Variants in NDUFAF2 observed in about 807,000 individuals in gnomAD.
The protein encoded by NDUFAF2 is NADH:ubiquinone oxidoreductase complex assembly factor 2, also known as NADH dehydrogenase [ubiquinone] 1 alpha subcomplex assembly factor 2.
Under a neutral mutation model 22.8 loss-of-function variants are expected in NDUFAF2, and 13 were observed. That is an observed-to-expected ratio of 0.57 (90% CI 0.37 to 0.91). The LOEUF (loss-of-function observed/expected upper bound fraction) is 0.91, where lower values mean the gene tolerates loss of function less well. Among genes scored for constraint, NDUFAF2 ranks in the 40% least tolerant of loss-of-function variants. The probability of loss-of-function intolerance (pLI) is 0.01; values close to 1 mark genes in which losing one functional copy is unlikely to be tolerated. For missense variants in NDUFAF2, 162 were observed against 195.2 expected (o/e 0.83, Z 1.01); for synonymous variants, 53 against 64.2 (o/e 0.83, Z 0.84).
At chr5:60,975,471 CAGA>C (rs1415057385) in intron 1 of NDUFAF2, among the ~76,000 whole-genome samples, 4 of 151,808 alleles carry the variant, frequency 2.6e-5, no homozygotes, top group African/African-American at 9.7e-5. Context: ...CAGAGAGATT[CAGA>C]AGGTCAGTTG....
chr5:61,139,506 A>C (rs1184452873), intron 3 of NDUFAF2, among the ~76,000 whole-genome samples: 1 of 152,258 alleles, frequency 6.6e-6, no homozygotes, highest in Non-Finnish European at 1.5e-5. Context: ...AGTTTGGCCA[A>C]GAAGGAGCTA....
At chr5:61,042,913 G>T (rs1195620518) in intron 1 of NDUFAF2, among the ~76,000 whole-genome samples, 1 of 152,136 alleles carries the variant, frequency 6.6e-6, no homozygotes, top group Non-Finnish European at 1.5e-5. Context: ...GCATAATTGT[G>T]GAGACAGTGA....
At chr5:60,970,890 T>A (rs1750818092) in intron 1 of NDUFAF2, among the ~76,000 whole-genome samples, 1 of 152,100 alleles carries the variant, frequency 6.6e-6, no homozygotes, top group African/African-American at 2.4e-5. Flanking sequence ...TATATCCTTA[T>A]ATATATATTT....
At chr5:60,998,979 G>T (rs966923034) in intron 1 of NDUFAF2, among the ~76,000 whole-genome samples, 1 of 151,956 alleles carries the variant, frequency 6.6e-6, no homozygotes, top group African/African-American at 2.4e-5. Context: ...CTATGGTAGA[G>T]AAAATGGAAT....
chr5:61,111,984 C>CT (rs1477315373), intron 3 of NDUFAF2, among the ~76,000 whole-genome samples: 4 of 152,014 alleles, frequency 2.6e-5, no homozygotes, highest in African/African-American at 9.7e-5. Flanking sequence ...GTCTTGAACT[C>CT]TTGAGTTCAA....
At chr5:61,134,132 TG>T (rs1753145681) in intron 3 of NDUFAF2, among the ~76,000 whole-genome samples, 1 of 152,188 alleles carries the variant, frequency 6.6e-6, no homozygotes, top group Non-Finnish European at 1.5e-5. Context: ...TTCTATAGAA[TG>T]TTCGTGATAT....
chr5:60,977,123 G>T (rs1174674795), intron 1 of NDUFAF2, among the ~76,000 whole-genome samples: 1 of 151,878 alleles, frequency 6.6e-6, no homozygotes, highest in African/African-American at 2.4e-5. Flanking sequence ...TAAAATATAG[G>T]TGTTATAAAA....
chr5:61,009,087 G>A (rs1751409903), intron 1 of NDUFAF2, among the ~76,000 whole-genome samples: 1 of 151,946 alleles, frequency 6.6e-6, no homozygotes, highest in Admixed American at 6.6e-5. Context: ...ATAGTTTACA[G>A]TGATTTCCTA....
intron 3 of NDUFAF2, among the ~76,000 whole-genome samples, chr5:61,102,153 T>C (rs892348891): frequency 2.0e-5 from 3 of 152,170 alleles, no homozygotes; most frequent in Non-Finnish European, 2.9e-5. Context: ...TGTCAGACTT[T>C]TTTGATAGAA....
chr5:61,076,075 TTTTG>T (rs1177937374), intron 2 of NDUFAF2, among the ~76,000 whole-genome samples: 1 of 151,990 alleles, frequency 6.6e-6, no homozygotes, highest in Non-Finnish European at 1.5e-5. Flanking sequence ...TTTGCAGTTT[TTTTG>T]TTTGTTTTTT....
intron 3 of NDUFAF2, among the ~76,000 whole-genome samples, chr5:61,143,748 A>G (rs1741089838): frequency 6.6e-6 from 1 of 152,100 alleles, no homozygotes; most frequent in Non-Finnish European, 1.5e-5. Flanking sequence ...GCTCTTGAAA[A>G]TAGTGAACTT....
At chr5:61,023,870 G>A (rs577714623) in intron 1 of NDUFAF2, among the ~76,000 whole-genome samples, 1 of 152,112 alleles carries the variant, frequency 6.6e-6, no homozygotes, top group African/African-American at 2.4e-5. Context: ...ATCAGCTATG[G>A]GTATGTTTTC....
intron 1 of NDUFAF2, among the ~76,000 whole-genome samples, chr5:60,971,562 C>T (rs1015293054): frequency 3.3e-5 from 5 of 152,136 alleles, no homozygotes; most frequent in Admixed American, 1.3e-4. Flanking sequence ...GCTGGGATTA[C>T]AGGCGTGAGC....
chr5:61,048,409 C>T (rs1430016065), intron 1 of NDUFAF2, among the ~76,000 whole-genome samples: 6 of 152,114 alleles, frequency 3.9e-5, no homozygotes, highest in Non-Finnish European at 8.8e-5. Flanking sequence ...AATGAGGCCA[C>T]TCTTTAATCA....
chr5:61,061,976 A>G lies in NDUFAF2; in HGVS notation c.128-11149A>G, dbSNP rs1372171751. Among the ~76,000 whole-genome samples, 9 of 152,326 alleles carry G rather than the reference A, an allele frequency of 5.9e-5. No individual in the cohort carries two copies. In the South Asian group the frequency reaches 1.9e-3, roughly 32 times the overall value. On this transcript the variant is annotated intron_variant, in intron 1 of 3. Transcript: ENST00000296597. Reference sequence around the variant, plus strand: ...GTCACTGCTGAAGATGCTGCATGGAATCACATTACTGTGGTGACATAGAAC... The same window carrying G: ...GTCACTGCTGAAGATGCTGCATGGAGTCACATTACTGTGGTGACATAGAAC...
In NDUFAF2 at chr5:61,043,263, G is replaced by A. The variant is rs78246204; in HGVS notation, c.128-29862G>A. 2.2e-3 allele frequency among the ~76,000 whole-genome samples: 342 copies of A among 152,068 alleles called. 12 individuals are homozygous for A. In the East Asian group the frequency reaches 0.055, roughly 25 times the overall value. The stretch of plus-strand genomic sequence containing the variant: ...ATGATCAGTGGTTAGAGGGACAGAG[G>A]GATAAATAAGCAAGCCAAAAGTATT... On this transcript the variant is annotated intron_variant, in intron 1 of 3. Transcript: ENST00000296597.
chr5:61,121,864 T>G (rs1042881010), intron 3 of NDUFAF2, among the ~76,000 whole-genome samples: 1 of 150,018 alleles, frequency 6.7e-6, no homozygotes, highest in Admixed American at 6.7e-5. Flanking sequence ...ACAGTCTTGC[T>G]CTGTTACCAA....
At chr5:61,152,086 C>G (rs186177096) in intron 3 of NDUFAF2, among the ~76,000 whole-genome samples, 2 of 152,262 alleles carry the variant, frequency 1.3e-5, no homozygotes, top group East Asian at 3.9e-4. Flanking sequence ...ATTGTACAAT[C>G]TGTTTGCACA....
chr5:61,008,936 T>C lies in NDUFAF2; in HGVS notation c.127+63554T>C, dbSNP rs1309310999. On this transcript the variant is annotated intron_variant, in intron 1 of 3. Coordinates refer to ENST00000296597, the MANE Select transcript of NDUFAF2 (RefSeq NM_174889.5). ...GTCTTATCAGTTTTTCTTCTTTTAT[T>C]ATTTATTTTCCCAAGTGTGTCTTCT... 3.3e-5 allele frequency among the ~76,000 whole-genome samples: 5 copies of C among 152,056 alleles called. No individual in the cohort carries two copies. The East Asian group carries it at 9.6e-4, about 29-fold the overall frequency.
Sources: gnomAD v4.1 joint callset for allele counts (sites outside exome capture counted in the v4.1 genomes callset) on GRCh38, gnomAD v4.1.1 for gene constraint, MANE v1.5 for transcripts, NCBI Gene and HGNC (gene_info 2026-07-23, HGNC 2026-07-21) for gene names.